Variants in NRG3 observed in about 807,000 individuals in gnomAD.
NRG3 encodes neuregulin 3, also known as pro-neuregulin-3, membrane-bound isoform.
A neutral mutation model predicts 66.9 loss-of-function variants in NRG3; 31 were observed. The ratio of observed to expected loss-of-function variants is 0.46; its 90% CI spans 0.35 to 0.63. The LOEUF is 0.63. Ranked by LOEUF, NRG3 falls within the 20% of genes least tolerant of loss-of-function variation. The pLI is 0.00. For synonymous variants in NRG3, 393 were observed against 359.4 expected, an observed-to-expected ratio of 1.09 and a Z score of -1.06; for missense variants, 910 against 878.9, an observed-to-expected ratio of 1.04 and a Z score of -0.45.
At chr10:82,235,979 T>TAGACACGCACACACACAC (rs1174391187) in intron 1 of NRG3, among the ~76,000 whole-genome samples, 1 of 151,582 alleles carries the variant, frequency 6.6e-6, no homozygotes, top group Non-Finnish European at 1.5e-5. Context: ...CACACACACA[T>TAGACACGCACACACACAC]AGACACGCAC....
chr10:82,398,736 G>A (rs994425368), intron 2 of NRG3, among the ~76,000 whole-genome samples: 1 of 152,084 alleles, frequency 6.6e-6, no homozygotes, highest in South Asian at 2.1e-4. Context: ...AGGGTGAGTG[G>A]AATTTGAGTA....
intron 1 of NRG3, chr10:82,233,069 T>C: frequency 2.1e-6 from 1 of 469,354 alleles, no homozygotes; most frequent in East Asian, 3.4e-5. Context: ...CCCTTTCCTA[T>C]CTTAAGTATT....
chr10:82,854,237 T>C (rs962787321), intron 3 of NRG3, among the ~76,000 whole-genome samples: 3 of 152,192 alleles, frequency 2.0e-5, no homozygotes, highest in Non-Finnish European at 4.4e-5. Context: ...CAGGTAACAT[T>C]ATTTCAGGAA....
chr10:82,843,204 G>A, intron 3 of NRG3: 1 of 449,952 alleles, frequency 2.2e-6, no homozygotes, highest in Non-Finnish European at 4.5e-6. Flanking sequence ...AACTCATGTG[G>A]AAATTTGTCA....
At chr10:82,619,762 C>G (rs2048914839) in intron 2 of NRG3, among the ~76,000 whole-genome samples, 1 of 152,074 alleles carries the variant, frequency 6.6e-6, no homozygotes, top group African/African-American at 2.4e-5. Context: ...GATGAGGACA[C>G]AGACAGACAT....
chr10:82,847,722 G>A (rs2063369985), intron 3 of NRG3, among the ~76,000 whole-genome samples: 1 of 152,122 alleles, frequency 6.6e-6, no homozygotes, highest in Non-Finnish European at 1.5e-5. Context: ...TTAGGGCACC[G>A]ACCATGTCTT....
intron 1 of NRG3, among the ~76,000 whole-genome samples, chr10:81,896,373 C>T (rs566982405): frequency 3.9e-5 from 6 of 152,238 alleles, no homozygotes; most frequent in African/African-American, 9.6e-5. Context: ...CATCCTATCT[C>T]GTGCCATTTC....
intron 2 of NRG3, among the ~76,000 whole-genome samples, chr10:82,406,551 A>G (rs1333387775): frequency 6.6e-6 from 1 of 152,114 alleles, no homozygotes; most frequent in Non-Finnish European, 1.5e-5. Flanking sequence ...TAAAGGTTTC[A>G]CACCTTGCCT....
chr10:82,423,506 T>C (rs529603057), intron 2 of NRG3, among the ~76,000 whole-genome samples: 8 of 152,060 alleles, frequency 5.3e-5, no homozygotes, highest in African/African-American at 1.9e-4. Context: ...AGAGTGAAGA[T>C]TTAAAGTGTT....
At chr10:82,736,877 T>TA (rs1345070904) in intron 2 of NRG3, among the ~76,000 whole-genome samples, 1 of 152,126 alleles carries the variant, frequency 6.6e-6, no homozygotes, top group Admixed American at 6.6e-5. Context: ...AGATTGGAAA[T>TA]AAAATCTTCA....
intron 2 of NRG3, among the ~76,000 whole-genome samples, chr10:82,508,300 C>A (rs1844862823): frequency 6.6e-6 from 1 of 152,114 alleles, no homozygotes; most frequent in Non-Finnish European, 1.5e-5. Flanking sequence ...TCAGACATGA[C>A]AAATGTGTTA....
At chr10:82,746,737 G>T (rs1353166509) in intron 3 of NRG3, among the ~76,000 whole-genome samples, 2 of 151,984 alleles carry the variant, frequency 1.3e-5, no homozygotes, top group African/African-American at 4.8e-5. Context: ...CAAATCTGAG[G>T]TACCAGAAAT....
chr10:82,808,813 T>A (rs1417190244), intron 3 of NRG3, among the ~76,000 whole-genome samples: 1 of 152,264 alleles, frequency 6.6e-6, no homozygotes, highest in Non-Finnish European at 1.5e-5. Context: ...AAACAATATA[T>A]GGCTCCTGCC....
rs189489833 is a variant in NRG3 at position 81,876,829 on chromosome 10, T to A, written c.823+666T>A. 1.6e-3 allele frequency among the ~76,000 whole-genome samples: 245 copies of A among 151,674 alleles called. 1 individual carries two copies. Among genetic ancestry groups the A allele is most frequent in the Non-Finnish European group, 1.9e-3 (127 of 67,844 alleles). On this transcript the variant is annotated intron_variant, in intron 1 of 8. Coordinates refer to ENST00000372141, the MANE Select transcript of NRG3 (RefSeq NM_001010848.4). ...TAGCCTGCCTGTGGCCATTCCAAGG[T>A]GTAGACATAGATTCTGTGACCGCCG...
chr10:82,432,256 C>T lies in NRG3; in HGVS notation c.953+73388C>T, dbSNP rs187607556. On this transcript the variant is annotated intron_variant, in intron 2 of 8. Transcript: ENST00000372141. ...TATTTGTACCCATTAATCAACTTCT[C>T]CTCATTCTTTCCTCCTCTCAAACAG... 5.3e-5 allele frequency among the ~76,000 whole-genome samples: 8 copies of T among 152,152 alleles called. No individual in the cohort carries two copies. The East Asian group carries it at 1.5e-3, about 29-fold the overall frequency.
intron 2 of NRG3, among the ~76,000 whole-genome samples, chr10:82,545,284 ACAGT>A (rs915983208): frequency 2.6e-5 from 4 of 151,818 alleles, no homozygotes; most frequent in African/African-American, 9.7e-5. Context: ...CAATATATAC[ACAGT>A]CATATTTCTT....
At chr10:82,015,722 C>A (rs924395634) in intron 1 of NRG3, among the ~76,000 whole-genome samples, 2 of 151,772 alleles carry the variant, frequency 1.3e-5, no homozygotes, top group Non-Finnish European at 2.9e-5. Context: ...TTCTTTATAG[C>A]AGTATGAAAA....
At chr10:82,379,504 C>T (rs544643597) in intron 2 of NRG3, among the ~76,000 whole-genome samples, 72 of 151,754 alleles carry the variant, frequency 4.7e-4, no homozygotes, top group African/African-American at 1.5e-3. Context: ...AAAATGGGTG[C>T]GATAATAACA....
rs575079423 is a variant in NRG3 at position 81,974,595 on chromosome 10, A to G, written c.823+98432A>G. ...GGGGAAAGGTGATTGAGAGTAAGAA[A>G]ATATGAAGCAATTGATGATCTGCAC... On this transcript the variant is annotated intron_variant, in intron 1 of 8. Coordinates refer to ENST00000372141, the MANE Select transcript of NRG3 (RefSeq NM_001010848.4). Among the ~76,000 whole-genome samples, 7 of 152,274 alleles carry G rather than the reference A, an allele frequency of 4.6e-5. No homozygotes were observed. The South Asian group carries it at 1.2e-3, about 27-fold the overall frequency.
Sources: allele counts gnomAD v4.1 joint callset (sites outside exome capture counted in the v4.1 genomes callset), GRCh38; gene constraint gnomAD v4.1.1; transcripts MANE v1.5; gene names NCBI Gene and HGNC (gene_info 2026-07-23, HGNC 2026-07-21).